Variants in UNC5C observed in about 807,000 individuals in gnomAD.
The protein encoded by UNC5C is unc-5 netrin receptor C.
UNC5C carries 47 observed loss-of-function variants against 99.8 expected under a neutral mutation model. That is an observed-to-expected ratio of 0.47 (90% CI 0.37 to 0.60). The LOEUF (loss-of-function observed/expected upper bound fraction) is 0.60. Among genes scored for constraint, UNC5C ranks in the 20% least tolerant of loss-of-function variants. The pLI is 0.00. For synonymous variants in UNC5C, 487 were observed against 452.2 expected, an observed-to-expected ratio of 1.08 and a Z score of -0.98; for missense variants, 1,062 against 1,165.9, an observed-to-expected ratio of 0.91 and a Z score of 1.30.
At chr4:95,290,543 T>C (rs1223804615) in intron 3 of UNC5C, among the ~76,000 whole-genome samples, 2 of 152,162 alleles carry the variant, frequency 1.3e-5, no homozygotes, top group Non-Finnish European at 2.9e-5. Flanking sequence ...ACAGGTGACA[T>C]GGGCAAGTTA....
chr4:95,419,573 G>C (rs2149455516), intron 1 of UNC5C, among the ~76,000 whole-genome samples: 1 of 152,202 alleles, frequency 6.6e-6, no homozygotes, highest in East Asian at 1.9e-4. Flanking sequence ...TGCCAGCAAA[G>C]GATTTCTGGT....
At chr4:95,540,811 G>T (rs1401019384) in intron 1 of UNC5C, among the ~76,000 whole-genome samples, 1 of 152,040 alleles carries the variant, frequency 6.6e-6, no homozygotes, top group Non-Finnish European at 1.5e-5. Context: ...CAATCATAAA[G>T]TTTTTGTTGT....
chr4:95,523,195 C>T (rs1478766233), intron 1 of UNC5C, among the ~76,000 whole-genome samples: 1 of 152,188 alleles, frequency 6.6e-6, no homozygotes, highest in Admixed American at 6.5e-5. Flanking sequence ...GGAGCATGAA[C>T]TGCCCAACAG....
rs869293955 is a variant in UNC5C at position 95,267,949 on chromosome 4, A to ATTTTTTTTTTTTTTTTTTTTTT, written c.594+10309_594+10310insAAAAAAAAAAAAAAAAAAAAAA. Among the ~76,000 whole-genome samples the ATTTTTTTTTTTTTTTTTTTTTT allele has an allele frequency of 3.9e-4, 46 of 117,564 alleles. 3 individuals carry two copies. The highest frequency in any genetic ancestry group is 1.1e-3 in the African/African-American group (33 of 29,162). The allele number at this position is 117,564 out of a possible 152,430, so 77.1% of individuals were successfully genotyped here. On this transcript the variant is annotated intron_variant, in intron 4 of 15. Transcript: ENST00000453304. The stretch of plus-strand genomic sequence containing the variant: ...ATGATCCTGTAGGCTGAATTTTGTG[A>ATTTTTTTTTTTTTTTTTTTTTT]TTTTTTTTTTTTTTTTTTGAGACGG...
intron 1 of UNC5C, among the ~76,000 whole-genome samples, chr4:95,361,586 C>T (rs58694326): frequency 6.7e-4 from 102 of 152,286 alleles, no homozygotes; most frequent in African/African-American, 2.4e-3. Context: ...CTCTAAAACA[C>T]ACAGTCCTTC....
intron 1 of UNC5C, among the ~76,000 whole-genome samples, chr4:95,428,106 T>C (rs529935399): frequency 6.6e-6 from 1 of 151,946 alleles, no homozygotes; most frequent in East Asian, 1.9e-4. Flanking sequence ...TTCAGTCTCC[T>C]CTGTATATTC....
chr4:95,321,150 G>A (rs957395586), intron 2 of UNC5C, among the ~76,000 whole-genome samples: 1 of 151,948 alleles, frequency 6.6e-6, no homozygotes, highest in Non-Finnish European at 1.5e-5. Context: ...CTTCCCCATG[G>A]GATATAATTA....
At chr4:95,525,677 G>C (rs1722481780) in intron 1 of UNC5C, among the ~76,000 whole-genome samples, 2 of 147,548 alleles carry the variant, frequency 1.4e-5, no homozygotes, top group East Asian at 4.0e-4. Flanking sequence ...GAAGTGTCAA[G>C]CAAATAAACT....
chr4:95,167,022 T>C lies in UNC5C; in HGVS notation c.*2212A>G, dbSNP rs1735882613. On this transcript the variant is annotated 3_prime_UTR_variant, in exon 16 of 16. Transcript: ENST00000453304. ...TATGTCCAAAACAGAAGATACGGAA[T>C]AAAAAGCATGAAAGAAAGAAGAGGT... The C allele has an allele frequency of 6.6e-6, 1 of 151,998 alleles. No individual in the cohort carries two copies. The highest frequency in any genetic ancestry group is 2.4e-5 in the African/African-American group (1 of 41,374). The allele number at this position is 151,998 out of a possible 1,614,324, so 9.4% of individuals were successfully genotyped here.
At chr4:95,189,136 A>G (rs114216794) in intron 12 of UNC5C, among the ~76,000 whole-genome samples, 1,807 of 152,286 alleles carry the variant, frequency 0.012, 41 homozygotes, top group African/African-American at 0.04. Flanking sequence ...CTGAACGTCA[A>G]GTTCCTTTGC....
chr4:95,181,156 C>T (rs1736595911), intron 14 of UNC5C, among the ~76,000 whole-genome samples: 1 of 152,208 alleles, frequency 6.6e-6, no homozygotes, highest in African/African-American at 2.4e-5. Context: ...CTCACTTCTT[C>T]CCCGCCCTCA....
intron 4 of UNC5C, among the ~76,000 whole-genome samples, chr4:95,273,011 C>A (rs1433475772): frequency 6.6e-6 from 1 of 152,194 alleles, no homozygotes; most frequent in Admixed American, 6.5e-5. Context: ...GGCGGAGCCT[C>A]CAGCTGCCAC....
chr4:95,258,651 A>C (rs1740096579), intron 4 of UNC5C, among the ~76,000 whole-genome samples: 1 of 152,064 alleles, frequency 6.6e-6, no homozygotes, highest in Admixed American at 6.5e-5. Context: ...ACAGGTACTA[A>C]AAACAGTTAC....
At chr4:95,328,062 A>ATTTTTTTTTTTTTTTTTTTTAT (rs71583698) in intron 2 of UNC5C, among the ~76,000 whole-genome samples, 6 of 86,700 alleles carry the variant, frequency 6.9e-5, no homozygotes, top group Non-Finnish European at 1.1e-4. Context: ...TTTTTTTTTA[A>ATTTTTTTTTTTTTTTTTTTTAT]TTTTTTTTTT....
In UNC5C at chr4:95,169,022, T is replaced by G; in HGVS notation, c.*212A>C. On this transcript the variant is annotated 3_prime_UTR_variant, in exon 16 of 16. Transcript: ENST00000453304. ...TTGATAGCTAAATTCAAGGTACAAA[T>G]TTACACAATTTTTCTTAACTCCCGT... The G allele has an allele frequency of 3.5e-6, 2 of 568,948 alleles. 1 individual carries two copies. The highest frequency in any genetic ancestry group is 5.4e-5 in the South Asian group (2 of 36,828). 35.2% of individuals were successfully genotyped at this position (568,948 alleles called of 1,614,324 possible). A position where few individuals can be genotyped will look rare whatever the true frequency, so the allele number is the denominator to read the frequency against.
intron 12 of UNC5C, among the ~76,000 whole-genome samples, chr4:95,188,107 A>G (rs925378758): frequency 6.6e-6 from 1 of 152,206 alleles, no homozygotes; most frequent in African/African-American, 2.4e-5. Flanking sequence ...AAAGCTAAGT[A>G]CTAATACTGT....
intron 1 of UNC5C, among the ~76,000 whole-genome samples, chr4:95,510,693 G>A (rs562540648): frequency 1.1e-3 from 171 of 152,178 alleles, no homozygotes; most frequent in African/African-American, 4.0e-3. Context: ...CAGGCAAGTT[G>A]TCATACAGTA....
rs1313464652 is a variant in UNC5C at position 95,175,189 on chromosome 4, C to T, written c.2452-4857G>A. 2.0e-5 allele frequency among the ~76,000 whole-genome samples: 3 copies of T among 150,028 alleles called. No individual in the cohort carries two copies. In the South Asian group the frequency reaches 6.3e-4, roughly 31 times the overall value. Reference sequence around the variant, plus strand: ...TACAGCACACTGATGGGTCTTGACTCTTTATCCAATTTGCCAGTCTGTGTC... The same window carrying T: ...TACAGCACACTGATGGGTCTTGACTTTTTATCCAATTTGCCAGTCTGTGTC... On this transcript the variant is annotated intron_variant, in intron 14 of 15. Transcript: ENST00000453304.
At chr4:95,318,278 G>A (rs529785996) in intron 2 of UNC5C, among the ~76,000 whole-genome samples, 4 of 152,120 alleles carry the variant, frequency 2.6e-5, no homozygotes, top group Admixed American at 6.5e-5. Flanking sequence ...GGCTGAGATC[G>A]CAGTGATGGA....
Sources: allele counts gnomAD v4.1 joint callset (sites outside exome capture counted in the v4.1 genomes callset), GRCh38; gene constraint gnomAD v4.1.1; transcripts MANE v1.5; gene names NCBI Gene and HGNC (gene_info 2026-07-23, HGNC 2026-07-21).